The following GNG7 variants were observed in gnomAD, a reference collection of about 807,000 sequenced individuals.
GNG7 encodes guanine nucleotide-binding protein G(I)/G(S)/G(O) subunit gamma-7.
In GNG7, 1 loss-of-function variant was observed where a neutral mutation model predicts 4.0. The observed-to-expected ratio is 0.25, with a 90% CI of 0.09 to 1.18. The LOEUF (loss-of-function observed/expected upper bound fraction) is 1.18, where lower values mean the gene tolerates loss of function less well. Ranked by LOEUF, GNG7 falls within the 50% of genes most tolerant of loss-of-function variation. GNG7 has a pLI of 0.50. For missense variants in GNG7, 86 were observed against 91.9 expected (o/e 0.94, Z 0.26); for synonymous variants, 34 against 36.9 (o/e 0.92, Z 0.29).
chr19:2,525,319 T>C (rs1256092938), intron 3 of GNG7, among the ~76,000 whole-genome samples: 2 of 152,138 alleles, frequency 1.3e-5, no homozygotes, highest in African/African-American at 4.8e-5. Flanking sequence ...CACAGGCTCC[T>C]GCAGGCAGGC....
chr19:2,583,129 A>T (rs1980551411), intron 2 of GNG7, among the ~76,000 whole-genome samples: 1 of 151,804 alleles, frequency 6.6e-6, no homozygotes, highest in African/African-American at 2.4e-5. Context: ...TTTTTTTTTT[A>T]AATAGATAAT....
At chr19:2,597,342 A>T (rs1054657828) in intron 2 of GNG7, among the ~76,000 whole-genome samples, 1 of 152,224 alleles carries the variant, frequency 6.6e-6, no homozygotes, top group Admixed American at 6.5e-5. Context: ...CACGCCTGTA[A>T]TCCTAACACT....
At chr19:2,602,922 T>TTTCTTTCTTTCTTTC (rs1491446709) in intron 2 of GNG7, among the ~76,000 whole-genome samples, 7 of 149,222 alleles carry the variant, frequency 4.7e-5, no homozygotes, top group African/African-American at 1.8e-4. Flanking sequence ...TCTTTCTTTC[T>TTTCTTTCTTTCTTTC]TTTTGTTTCT....
chr19:2,587,183 C>CAA (rs1448059816), intron 2 of GNG7, among the ~76,000 whole-genome samples: 1 of 151,946 alleles, frequency 6.6e-6, no homozygotes, highest in Non-Finnish European at 1.5e-5. Context: ...GTTGCGGCGG[C>CAA]AAGAAGACAC....
chr19:2,638,220 G>A (rs891503913), intron 2 of GNG7, among the ~76,000 whole-genome samples: 5 of 151,132 alleles, frequency 3.3e-5, no homozygotes, highest in African/African-American at 1.2e-4. Context: ...AAAGTTAGCC[G>A]GGCGTGGTGG....
At chr19:2,610,058 G>C (rs1258269463) in intron 2 of GNG7, 1 of 152,174 alleles carries the variant, frequency 6.6e-6, no homozygotes, top group Non-Finnish European at 1.5e-5. Context: ...GGGTCAAGAT[G>C]ATGACAGCAC....
intron 2 of GNG7, among the ~76,000 whole-genome samples, chr19:2,571,647 G>C (rs1321881048): frequency 7.3e-6 from 1 of 136,964 alleles, no homozygotes; most frequent in Non-Finnish European, 1.5e-5. Flanking sequence ...CCAGGCTAGA[G>C]TGCAGAGGTG....
rs35639922 is a variant in GNG7 at position 2,525,971 on chromosome 19, A to ATTTTTTTTTTTTTT, written c.-37-5260_-37-5247dup. On this transcript the variant is annotated intron_variant, in intron 3 of 4. Transcript: ENST00000382159. The stretch of plus-strand genomic sequence containing the variant: ...ATTACAGGTGCCTGCCTCCACGCCA[A>ATTTTTTTTTTTTTT]TTTTTTTTTTTTTTTTTGAGACAGA... Among the ~76,000 whole-genome samples the ATTTTTTTTTTTTTT allele has an allele frequency of 8.3e-4, 63 of 75,676 alleles. 14 individuals carry two copies. Among genetic ancestry groups the ATTTTTTTTTTTTTT allele is most frequent in the African/African-American group, 3.4e-3 (57 of 16,574 alleles). The allele number at this position is 75,676 out of a possible 152,430, so 49.6% of individuals were successfully genotyped here. A position where few individuals can be genotyped will look rare whatever the true frequency, so the allele number is the denominator to read the frequency against.
intron 3 of GNG7, among the ~76,000 whole-genome samples, chr19:2,527,904 A>T (rs946161700): frequency 1.3e-5 from 2 of 152,160 alleles, no homozygotes; most frequent in African/African-American, 4.8e-5. Flanking sequence ...TGCAGCTCAG[A>T]GTGGTTCCCT....
intron 2 of GNG7, among the ~76,000 whole-genome samples, chr19:2,569,062 CACAT>C (rs1208023246): frequency 6.6e-6 from 1 of 152,058 alleles, no homozygotes; most frequent in Admixed American, 6.6e-5. Context: ...GAAGCGCACA[CACAT>C]ACACACAAGC....
intron 1 of GNG7, among the ~76,000 whole-genome samples, chr19:2,690,397 T>A (rs1246783323): frequency 6.6e-6 from 1 of 151,886 alleles, no homozygotes; most frequent in Non-Finnish European, 1.5e-5. Context: ...TAAAATAAAA[T>A]AAAAATAAAA....
At chr19:2,572,939 G>A (rs925503565) in intron 2 of GNG7, among the ~76,000 whole-genome samples, 4 of 150,778 alleles carry the variant, frequency 2.7e-5, no homozygotes, top group African/African-American at 4.9e-5. Flanking sequence ...AACCCCGTCC[G>A]CATTAGCAGT....
chr19:2,523,764 G>C (rs1376979074), intron 3 of GNG7, among the ~76,000 whole-genome samples: 2 of 152,146 alleles, frequency 1.3e-5, no homozygotes. Context: ...ATGACACACA[G>C]AATTCCTCTA....
rs566768149 is a variant in GNG7 at position 2,634,172 on chromosome 19, G to C, written c.-78+12052C>G. Reference sequence around the variant, plus strand: ...CGTTTATGGTGCCTATCATGAGCAGGAAAATAACTCGAATTTTTTTCCCCA... The same window carrying C: ...CGTTTATGGTGCCTATCATGAGCAGCAAAATAACTCGAATTTTTTTCCCCA... On this transcript the variant is annotated intron_variant, in intron 2 of 4. Transcript: ENST00000382159. This position sits in a 1 kb window ranked among gnomAD's most constrained non-coding sequence, Gnocchi z 5.3. Among the ~76,000 whole-genome samples, 50 of 152,186 alleles carry C rather than the reference G, an allele frequency of 3.3e-4. No homozygotes were observed. In the South Asian group the frequency reaches 9.7e-3, roughly 30 times the overall value.
chr19:2,579,594 G>A (rs1980443962), intron 2 of GNG7, among the ~76,000 whole-genome samples: 1 of 152,230 alleles, frequency 6.6e-6, no homozygotes, highest in Non-Finnish European at 1.5e-5. Flanking sequence ...CGAGGGGACG[G>A]CCGCCGCTGG....
At chr19:2,635,248 G>A (rs968393334) in intron 2 of GNG7, among the ~76,000 whole-genome samples, 1 of 152,330 alleles carries the variant, frequency 6.6e-6, no homozygotes, top group South Asian at 2.1e-4. Context: ...GGTGCCCCGT[G>A]AACCCATCTC....
intron 2 of GNG7, among the ~76,000 whole-genome samples, chr19:2,612,815 C>T (rs1344629737): frequency 1.3e-5 from 2 of 150,988 alleles, no homozygotes. Context: ...GCCTGAGCCT[C>T]CTGGGTAGCT....
chr19:2,685,951 G>A (rs890976747), intron 1 of GNG7, among the ~76,000 whole-genome samples: 11 of 152,242 alleles, frequency 7.2e-5, no homozygotes, highest in African/African-American at 2.4e-4. Flanking sequence ...GAGCTCTCCT[G>A]TCCCGGCCCA....
chr19:2,568,502 G>C (rs1980023279), intron 2 of GNG7, among the ~76,000 whole-genome samples: 1 of 144,314 alleles, frequency 6.9e-6, no homozygotes. Flanking sequence ...ACATACACAG[G>C]GTCTCTGTGT....
Sources: gnomAD v4.1 joint callset for allele counts (sites outside exome capture counted in the v4.1 genomes callset) on GRCh38, gnomAD v4.1.1 for gene constraint, Gnocchi (gnomAD v3.1) non-coding constraint, MANE v1.5 for transcripts, NCBI Gene and HGNC (gene_info 2026-07-23, HGNC 2026-07-21) for gene names.